Variants in CHST9 observed in about 807,000 individuals in gnomAD.
The protein encoded by CHST9 is GalNAc-4-sulfotransferase 2.
Under a neutral mutation model 44.4 loss-of-function variants are expected in CHST9, and 41 were observed. That is an observed-to-expected ratio of 0.92 (90% CI 0.72 to 1.20). CHST9 has a LOEUF of 1.20. Ranked by LOEUF, CHST9 falls within the 50% of genes most tolerant of loss-of-function variation. CHST9 has a pLI of 0.00. For synonymous variants in CHST9, 171 were observed against 178.4 expected (o/e 0.96, Z 0.33); for missense variants, 504 against 516.5 (o/e 0.98, Z 0.23).
chr18:26,984,345 A>C (rs556281442), intron 4 of CHST9, among the ~76,000 whole-genome samples: 1 of 152,196 alleles, frequency 6.6e-6, no homozygotes, highest in Non-Finnish European at 1.5e-5. Flanking sequence ...CCTGACTCCC[A>C]CTTCACAAAC....
intron 2 of CHST9, among the ~76,000 whole-genome samples, chr18:27,094,567 G>A (rs1372633005): frequency 1.3e-5 from 2 of 152,086 alleles, no homozygotes; most frequent in African/African-American, 2.4e-5. Flanking sequence ...TACATGAAAC[G>A]TTAGCAATGA....
intron 3 of CHST9, among the ~76,000 whole-genome samples, chr18:27,045,061 A>G (rs2057484414): frequency 1.3e-5 from 2 of 151,738 alleles, no homozygotes; most frequent in South Asian, 4.2e-4. Context: ...AAAAAAAAAA[A>G]CCATTGTTCC....
At chr18:27,021,452 G>A (rs1012745850) in intron 4 of CHST9, among the ~76,000 whole-genome samples, 3 of 152,146 alleles carry the variant, frequency 2.0e-5, no homozygotes, top group Non-Finnish European at 2.9e-5. Context: ...ACTGGCCAAC[G>A]TTTCCAATTG....
intron 2 of CHST9, among the ~76,000 whole-genome samples, chr18:27,126,934 T>C (rs1442164847): frequency 2.6e-5 from 4 of 152,118 alleles, no homozygotes; most frequent in Non-Finnish European, 5.9e-5. Context: ...TACAAAGATC[T>C]TTCTGGATAA....
chr18:27,061,411 T>C (rs1364833744), intron 2 of CHST9, among the ~76,000 whole-genome samples: 1 of 152,214 alleles, frequency 6.6e-6, no homozygotes, highest in Non-Finnish European at 1.5e-5. Flanking sequence ...CCAAAAATTG[T>C]AGGCGTGAGA....
At chr18:26,942,773 A>T (rs192658928) in intron 5 of CHST9, among the ~76,000 whole-genome samples, 19 of 152,326 alleles carry the variant, frequency 1.2e-4, no homozygotes, top group Non-Finnish European at 2.6e-4. Flanking sequence ...GCTGAGCCTC[A>T]CCAAACCACT....
At chr18:26,939,379 G>A (rs1176731850) in intron 5 of CHST9, among the ~76,000 whole-genome samples, 2 of 152,200 alleles carry the variant, frequency 1.3e-5, no homozygotes, top group Non-Finnish European at 2.9e-5. Context: ...AATAAGTCTA[G>A]GAAGGTGGGG....
intron 2 of CHST9, among the ~76,000 whole-genome samples, chr18:27,118,673 T>C (rs1158123027): frequency 6.6e-6 from 1 of 152,224 alleles, no homozygotes; most frequent in Non-Finnish European, 1.5e-5. Context: ...AGGCATCCCA[T>C]GGTGCCCCTA....
intron 2 of CHST9, among the ~76,000 whole-genome samples, chr18:27,082,622 C>G (rs2057971556): frequency 6.6e-6 from 1 of 152,138 alleles, no homozygotes; most frequent in Non-Finnish European, 1.5e-5. Flanking sequence ...CAAACCAAGG[C>G]AATTTCTAAG....
intron 4 of CHST9, among the ~76,000 whole-genome samples, chr18:26,990,388 C>T (rs1598619945): frequency 6.6e-6 from 1 of 152,266 alleles, no homozygotes; most frequent in East Asian, 1.9e-4. Context: ...GTGCAAGTAA[C>T]TGTTTCTTGA....
intron 2 of CHST9, among the ~76,000 whole-genome samples, chr18:27,113,905 A>C (rs1270028472): frequency 6.6e-6 from 1 of 152,230 alleles, no homozygotes; most frequent in African/African-American, 2.4e-5. Context: ...ATTTGTAAAA[A>C]TTTTAGCATT....
chr18:27,167,078 C>T (rs556311510), intron 1 of CHST9, among the ~76,000 whole-genome samples: 6 of 152,282 alleles, frequency 3.9e-5, no homozygotes, highest in African/African-American at 1.2e-4. Flanking sequence ...GTAAGAGTGA[C>T]GCTTTCCTTC....
chr18:27,158,695 G>A (rs2058718605), intron 1 of CHST9, among the ~76,000 whole-genome samples: 1 of 151,812 alleles, frequency 6.6e-6, no homozygotes, highest in Non-Finnish European at 1.5e-5. Context: ...CTTCCACAAT[G>A]GTTGAACTAG....
intron 3 of CHST9, among the ~76,000 whole-genome samples, chr18:27,030,774 A>C (rs1232824679): frequency 6.6e-6 from 1 of 152,206 alleles, no homozygotes; most frequent in Non-Finnish European, 1.5e-5. Context: ...TAGCACTGAA[A>C]AGGGGTGGAG....
chr18:27,091,257 G>T lies in CHST9; in HGVS notation c.122-42754C>A, dbSNP rs140313380. 2.6e-3 allele frequency among the ~76,000 whole-genome samples: 391 copies of T among 152,198 alleles called. 2 individuals carry two copies. Among genetic ancestry groups the T allele is most frequent in the African/African-American group, 9.0e-3 (374 of 41,518 alleles). ...TTTGGCTCTCTGTTTGTCTGTTAATGGTGTATAGGAATGCTTGTAATTTTT... is the reference window on the plus strand; with the variant it reads ...TTTGGCTCTCTGTTTGTCTGTTAATTGTGTATAGGAATGCTTGTAATTTTT... On this transcript the variant is annotated intron_variant, in intron 2 of 5. Coordinates refer to ENST00000618847, the MANE Select transcript of CHST9 (RefSeq NM_031422.6).
intron 3 of CHST9, among the ~76,000 whole-genome samples, chr18:27,037,650 G>T (rs1368362951): frequency 6.6e-6 from 1 of 152,166 alleles, no homozygotes; most frequent in African/African-American, 2.4e-5. Context: ...CTGTGATTCT[G>T]CCACTGGATT....
chr18:26,975,735 A>G (rs10460045), intron 4 of CHST9, among the ~76,000 whole-genome samples: 56 of 49,302 alleles, frequency 1.1e-3, no homozygotes, highest in African/African-American at 4.0e-3. Flanking sequence ...GTATATATAT[A>G]TATATATATA....
At chr18:26,919,633 T>G (rs1261910049) in intron 5 of CHST9, among the ~76,000 whole-genome samples, 1 of 152,182 alleles carries the variant, frequency 6.6e-6, no homozygotes, top group Admixed American at 6.5e-5. Context: ...CCATTATTAT[T>G]CAGACTATAA....
intron 4 of CHST9, among the ~76,000 whole-genome samples, chr18:26,996,183 T>C (rs949217383): frequency 6.6e-6 from 1 of 152,212 alleles, no homozygotes; most frequent in African/African-American, 2.4e-5. Flanking sequence ...TAGTCCGTCA[T>C]GCACCATTCT....
Sources: allele counts gnomAD v4.1 joint callset (sites outside exome capture counted in the v4.1 genomes callset), GRCh38; gene constraint gnomAD v4.1.1; transcripts MANE v1.5; gene names NCBI Gene and HGNC (gene_info 2026-07-23, HGNC 2026-07-21).